Variants in SPINT1 observed in about 807,000 individuals in gnomAD.
SPINT1 encodes serine peptidase inhibitor, Kunitz type 1, also known as kunitz-type protease inhibitor 1.
SPINT1 carries 38 observed loss-of-function variants against 53.7 expected under a neutral mutation model. The ratio of observed to expected loss-of-function variants is 0.71; its 90% CI spans 0.55 to 0.93. SPINT1 has a LOEUF of 0.93. SPINT1 is among the 40% of genes least tolerant of loss of function. SPINT1 has a pLI of 0.00. For synonymous variants in SPINT1, 283 were observed against 280.6 expected, an observed-to-expected ratio of 1.01 and a Z score of -0.08; for missense variants, 645 against 692.9, an observed-to-expected ratio of 0.93 and a Z score of 0.78.
At chr15:40,850,026 C>T (rs1487897521) in intron 2 of SPINT1, among the ~76,000 whole-genome samples, 3 of 152,208 alleles carry the variant, frequency 2.0e-5, no homozygotes, top group Non-Finnish European at 4.4e-5. Context: ...ATTTCATGTG[C>T]TTTTCACATG....
chr15:40,853,843 G>A lies in SPINT1; in HGVS notation c.875G>A (p.Arg292Gln), dbSNP rs747956197. The change falls in exon 5 of 11, where the codon CGG (arginine) becomes CAG (glutamine). Residue 292 changes from arginine to glutamine, a missense_variant. Transcript: ENST00000562057. ...TTGGGCAACAAGAACAACTACCTTC[G>A]GGAAGAAGAGTGCATTCTAGCCTGT... Reference protein sequence around the residue: ...GCLGNKNNYLREEECILACRG... With the variant: ...GCLGNKNNYLQEEECILACRG... The A allele has an allele frequency of 3.4e-5, 55 of 1,614,058 alleles. No homozygotes were observed. Among genetic ancestry groups the A allele is most frequent in the Middle Eastern group, 1.6e-4 (1 of 6,084 alleles).
chr15:40,849,240 C>T (rs1333896737), intron 2 of SPINT1, among the ~76,000 whole-genome samples: 2 of 150,140 alleles, frequency 1.3e-5, no homozygotes, highest in Admixed American at 6.6e-5. Context: ...AGCAACACTC[C>T]GTCTCAGGAA....
chr15:40,854,043 T>A lies in SPINT1; in HGVS notation c.914-17T>A, dbSNP rs796519238. On this transcript the variant is annotated splice_polypyrimidine_tract_variant and intron_variant, in intron 5 of 10. Transcript: ENST00000562057. The stretch of plus-strand genomic sequence containing the variant: ...AGCCTGGTCATGCCTCCTCTCATTC[T>A]CTGTTCTCTCTCCCAGGCCCCTCCA... The A allele has an allele frequency of 1.3e-6, 2 of 1,553,200 alleles. No individual in the cohort carries two copies. Among genetic ancestry groups the A allele is most frequent in the South Asian group, 2.5e-5 (2 of 81,610 alleles).
Position 40,857,538 on chromosome 15 carries a change from G to C in SPINT1, c.*563G>C, listed in dbSNP as rs1477315891. 6.6e-6 allele frequency: 1 copy of C among 152,618 alleles called. No individual in the cohort carries two copies. Among genetic ancestry groups the C allele is most frequent in the Non-Finnish European group, 1.5e-5 (1 of 68,358 alleles). The allele number at this position is 152,618 out of a possible 1,614,324, so 9.5% of individuals were successfully genotyped here. A position where few individuals can be genotyped will look rare whatever the true frequency, so the allele number is the denominator to read the frequency against. ...CTCTGCCCTTGATCAGCCCCACCCT[G>C]GCCTAGACCAGCAGACAGAGCCAGG... On this transcript the variant is annotated 3_prime_UTR_variant, in exon 11 of 11. Transcript: ENST00000562057.
chr15:40,854,818 C>A, intron 8 of SPINT1, 129 bp downstream of exon 8: 2 of 1,137,268 alleles, frequency 1.8e-6, no homozygotes, highest in East Asian at 2.4e-5. Context: ...CCAGGGTGGG[C>A]TCCCCGTTCT....
chr15:40,856,158 C>T, intron 9 of SPINT1, 96 bp downstream of exon 9: 4 of 1,591,668 alleles, frequency 2.5e-6, no homozygotes, highest in Non-Finnish European at 2.6e-6. Context: ...CCCCTCCATC[C>T]TCAGAGCGCC....
At chr15:40,847,352 A>G (rs2142004335) in intron 2 of SPINT1, among the ~76,000 whole-genome samples, 1 of 152,268 alleles carries the variant, frequency 6.6e-6, no homozygotes, top group South Asian at 2.1e-4. Flanking sequence ...AGGGTGGATG[A>G]GGTGGGTTGG....
chr15:40,855,971 C>T lies in SPINT1; in HGVS notation c.1197C>T (p.His399=), dbSNP rs1202213552. The T allele has an allele frequency of 6.2e-7, 1 of 1,614,256 alleles. No individual in the cohort carries two copies. The highest frequency in any genetic ancestry group is 8.5e-7 in the Non-Finnish European group (1 of 1,180,050). Residue 399 remains histidine, a synonymous_variant, in exon 9 of 11, where the codon CAC becomes CAT. Transcript: ENST00000562057. The part of the protein sequence containing the change: ...PRWYYNPFSE[H]CARFTYGGCY... The stretch of plus-strand genomic sequence containing the variant: ...GGTACTACAACCCCTTCAGCGAACA[C>T]TGCGCCCGCTTTACCTATGGTGGTT...
chr15:40,855,028 G>A (rs1233699738), intron 8 of SPINT1, among the ~76,000 whole-genome samples: 5 of 152,006 alleles, frequency 3.3e-5, no homozygotes, highest in Non-Finnish European at 7.4e-5. Context: ...ACCATAAATG[G>A]GAAGCCACTA....
intron 3 of SPINT1, 75 bp from the exon 4 acceptor site, chr15:40,853,414 G>A (rs1008696126): frequency 2.7e-5 from 44 of 1,611,092 alleles, no homozygotes; most frequent in Non-Finnish European, 3.4e-5. Context: ...GGGTGTGGGT[G>A]TGTGTCTGGC....
intron 2 of SPINT1, among the ~76,000 whole-genome samples, chr15:40,850,627 T>C (rs1340394620): frequency 6.6e-6 from 1 of 152,220 alleles, no homozygotes; most frequent in Non-Finnish European, 1.5e-5. Flanking sequence ...CCCTTCTGCC[T>C]GTACCCTGGC....
Position 40,854,624 on chromosome 15 carries a change from C to A in SPINT1, c.1067-15C>A. ...CCCTTGTTGGGTCTGAGACTCTGAC[C>A]TTTCCTCTCTGCAGACACGAGTGGC... On this transcript the variant is annotated splice_polypyrimidine_tract_variant and intron_variant, in intron 7 of 10. Coordinates refer to ENST00000562057, the MANE Select transcript of SPINT1 (RefSeq NM_003710.4). 1 of 1,614,232 alleles carries A rather than the reference C, an allele frequency of 6.2e-7. No individual in the cohort carries two copies. Among genetic ancestry groups the A allele is most frequent in the Non-Finnish European group, 8.5e-7 (1 of 1,180,036 alleles).
In SPINT1 at chr15:40,850,106, C is replaced by G. The variant is rs970051448; in HGVS notation, c.476-3018C>G. ...TCTTTTTTTGAGACGGAGTTTCGCT[C>G]TTGTTGTCCAGGCTGGAGTGCAATG... On this transcript the variant is annotated intron_variant, in intron 2 of 10. Coordinates refer to ENST00000562057, the MANE Select transcript of SPINT1 (RefSeq NM_003710.4). Among the ~76,000 whole-genome samples, 7 of 152,214 alleles carry G rather than the reference C, an allele frequency of 4.6e-5. No homozygotes were observed. In the South Asian group the frequency reaches 1.5e-3, roughly 32 times the overall value.
rs375146021 is a variant in SPINT1 at position 40,844,143 on chromosome 15, C to T, written c.-109C>T. 84 of 441,642 alleles carry T rather than the reference C, an allele frequency of 1.9e-4. No individual in the cohort carries two copies. Among genetic ancestry groups the T allele is most frequent in the African/African-American group, 1.6e-3 (76 of 46,892 alleles). 27.4% of individuals were successfully genotyped at this position (441,642 alleles called of 1,614,324 possible). ...ACCCGAGCCGCGCAGGAAGCTGGGA[C>T]CGGAACCTCGGCGGACCCGGCCCCA... On this transcript the variant is annotated 5_prime_UTR_variant, in exon 1 of 11. Coordinates refer to ENST00000562057, the MANE Select transcript of SPINT1 (RefSeq NM_003710.4). This position sits in a 1 kb window ranked among gnomAD's most constrained non-coding sequence, Gnocchi z 5.8.
chr15:40,849,138 T>C (rs549471887), intron 2 of SPINT1, among the ~76,000 whole-genome samples: 16 of 151,654 alleles, frequency 1.1e-4, no homozygotes, highest in Middle Eastern at 3.4e-3. Flanking sequence ...CCCAGCTACT[T>C]GGGAGGCTGA....
At position 40,854,630 on chromosome 15, in the gene SPINT1, T is replaced by C. The variant is rs1891578538; in HGVS notation, c.1067-9T>C. ...TTGGGTCTGAGACTCTGACCTTTCC[T>C]CTCTGCAGACACGAGTGGCTTTGAC... On this transcript the variant is annotated splice_polypyrimidine_tract_variant and intron_variant, in intron 7 of 10. Transcript: ENST00000562057. The C allele has an allele frequency of 6.2e-7, 1 of 1,614,084 alleles. No homozygotes were observed. Among genetic ancestry groups the C allele is most frequent in the African/African-American group, 1.3e-5 (1 of 74,918 alleles).
intron 2 of SPINT1, among the ~76,000 whole-genome samples, chr15:40,845,535 T>C (rs1292249899): frequency 6.6e-6 from 1 of 152,074 alleles, no homozygotes; most frequent in Non-Finnish European, 1.5e-5. Context: ...CCAGATCGCC[T>C]TCACATCGGT....
intron 8 of SPINT1, among the ~76,000 whole-genome samples, chr15:40,855,242 G>A (rs1891597789): frequency 6.6e-6 from 1 of 152,292 alleles, no homozygotes; most frequent in Middle Eastern, 3.4e-3. Flanking sequence ...TTAGCCGGAT[G>A]TGGTTGCGCG....
chr15:40,849,243 C>T (rs1891387522), intron 2 of SPINT1, among the ~76,000 whole-genome samples: 1 of 149,134 alleles, frequency 6.7e-6, no homozygotes, highest in South Asian at 2.1e-4. Context: ...AACACTCCGT[C>T]TCAGGAAAAA....
Sources: gnomAD v4.1 joint callset for allele counts (sites outside exome capture counted in the v4.1 genomes callset) on GRCh38, gnomAD v4.1.1 for gene constraint, Gnocchi (gnomAD v3.1) non-coding constraint, MANE v1.5 for transcripts, NCBI Gene and HGNC (gene_info 2026-07-23, HGNC 2026-07-21) for gene names.